The following LARGE1 variants were observed in gnomAD, a reference collection of about 807,000 sequenced individuals.
LARGE1 encodes the protein xylosyl- and glucuronyltransferase LARGE1.
Under a neutral mutation model 87.6 loss-of-function variants are expected in LARGE1, and 43 were observed. The observed-to-expected ratio is 0.49, with a 90% CI of 0.38 to 0.63. The LOEUF is 0.63. LARGE1 is among the 30% of genes least tolerant of loss of function. The pLI is 0.00. For missense variants in LARGE1, 802 were observed against 1,000.2 expected, an observed-to-expected ratio of 0.80 and a Z score of 2.67; for synonymous variants, 434 against 394.6, an observed-to-expected ratio of 1.10 and a Z score of -1.18.
intron 2 of LARGE1, among the ~76,000 whole-genome samples, chr22:33,687,918 T>A (rs2081990902): frequency 6.6e-6 from 1 of 152,156 alleles, no homozygotes; most frequent in African/African-American, 2.4e-5. Flanking sequence ...TACAATGTCA[T>A]ACCTACAGAG....
intron 6 of LARGE1, among the ~76,000 whole-genome samples, chr22:33,541,683 C>G (rs571446369): frequency 9.2e-5 from 14 of 151,568 alleles, no homozygotes; most frequent in South Asian, 4.2e-4. Flanking sequence ...GCTGACTGCC[C>G]TCATCCTGTC....
At chr22:33,464,631 G>GA (rs1569186836) in intron 6 of LARGE1, among the ~76,000 whole-genome samples, 1 of 152,144 alleles carries the variant, frequency 6.6e-6, no homozygotes, top group Non-Finnish European at 1.5e-5. Context: ...CATTAATGAT[G>GA]AAAAAATGCA....
At chr22:33,718,994 G>A (rs929857800) in intron 2 of LARGE1, among the ~76,000 whole-genome samples, 3 of 152,192 alleles carry the variant, frequency 2.0e-5, no homozygotes, top group Admixed American at 1.3e-4. Context: ...TCACCATGTT[G>A]GCCAGGCTCA....
chr22:33,262,827 C>A (rs1341915821), intron 11 of LARGE1, among the ~76,000 whole-genome samples: 2 of 150,206 alleles, frequency 1.3e-5, no homozygotes, highest in Non-Finnish European at 3.0e-5. Flanking sequence ...TTCCTGACTT[C>A]CTTCCTTCAC....
intron 1 of LARGE1, among the ~76,000 whole-genome samples, chr22:33,837,277 C>T (rs1026360967): frequency 6.6e-6 from 1 of 151,816 alleles, no homozygotes; most frequent in African/African-American, 2.4e-5. Flanking sequence ...CACACACACA[C>T]ACACCTATAC....
chr22:33,360,954 C>T lies in LARGE1; in HGVS notation c.1131+20965G>A, dbSNP rs549345325. On this transcript the variant is annotated intron_variant, in intron 9 of 14. Transcript: ENST00000397394. The stretch of plus-strand genomic sequence containing the variant: ...CATGTCGGCCGGGCACAGTGGCTCA[C>T]GCCTATAATCTCAGCACTTTGGGAG... 3.2e-4 allele frequency among the ~76,000 whole-genome samples: 48 copies of T among 149,714 alleles called. 4 individuals carry two copies. Among genetic ancestry groups the T allele is most frequent in the East Asian group, 9.7e-4 (5 of 5,146 alleles).
At chr22:33,872,771 G>T (rs947735919) in intron 1 of LARGE1, among the ~76,000 whole-genome samples, 1 of 152,290 alleles carries the variant, frequency 6.6e-6, no homozygotes, top group South Asian at 2.1e-4. Flanking sequence ...GCTGAGGCGG[G>T]TGGATGACCT....
chr22:33,503,642 T>C (rs1311739199), intron 6 of LARGE1, among the ~76,000 whole-genome samples: 1 of 151,384 alleles, frequency 6.6e-6, no homozygotes, highest in Non-Finnish European at 1.5e-5. Flanking sequence ...CTACTAAAAA[T>C]ACAAAAATTA....
chr22:33,329,191 G>A (rs1601467419), intron 10 of LARGE1, among the ~76,000 whole-genome samples: 1 of 152,322 alleles, frequency 6.6e-6, no homozygotes, highest in South Asian at 2.1e-4. Flanking sequence ...GGAGGATAAA[G>A]AAGCTGGGCA....
chr22:33,439,383 T>A (rs1178463749), intron 6 of LARGE1, among the ~76,000 whole-genome samples: 1 of 152,118 alleles, frequency 6.6e-6, no homozygotes, highest in East Asian at 1.9e-4. Flanking sequence ...AAAATTTGGC[T>A]ACATTACCCC....
In LARGE1 at chr22:33,479,652, C is replaced by T. The variant is rs184372331; in HGVS notation, c.788-47387G>A. On this transcript the variant is annotated intron_variant, in intron 6 of 14. Coordinates refer to ENST00000397394, the MANE Select transcript of LARGE1 (RefSeq NM_133642.5). The stretch of plus-strand genomic sequence containing the variant: ...AACAAATCAAATTGCTCTGAGATTA[C>T]TTCCTGATCTGTTTGTTCCCCACAA... Among the ~76,000 whole-genome samples the T allele has an allele frequency of 1.3e-3, 202 of 152,222 alleles. 1 individual carries two copies. Among genetic ancestry groups the T allele is most frequent in the African/African-American group, 4.6e-3 (191 of 41,516 alleles).
intron 2 of LARGE1, among the ~76,000 whole-genome samples, chr22:33,697,283 A>G (rs528180027): frequency 6.6e-6 from 1 of 152,300 alleles, no homozygotes; most frequent in East Asian, 1.9e-4. Flanking sequence ...CAGATACAGC[A>G]GGGTCCGTAA....
chr22:33,832,173 C>T (rs2062991222), intron 1 of LARGE1, among the ~76,000 whole-genome samples: 1 of 152,178 alleles, frequency 6.6e-6, no homozygotes, highest in Non-Finnish European at 1.5e-5. Flanking sequence ...TGGCACCTAT[C>T]AGTCATAATG....
At chr22:33,171,501 G>T (rs531368368) in intron 11 of LARGE1, among the ~76,000 whole-genome samples, 2 of 152,334 alleles carry the variant, frequency 1.3e-5, no homozygotes, top group Non-Finnish European at 2.9e-5. Flanking sequence ...AAGTGGTTTT[G>T]TGGGCTGCAC....
chr22:33,300,353 A>G (rs1057017783), intron 12 of LARGE1, among the ~76,000 whole-genome samples: 21 of 152,314 alleles, frequency 1.4e-4, no homozygotes, highest in African/African-American at 5.1e-4. Flanking sequence ...AGTAACTTGT[A>G]ACTGTCATCA....
At chr22:33,537,282 C>A (rs954538205) in intron 6 of LARGE1, among the ~76,000 whole-genome samples, 1 of 152,218 alleles carries the variant, frequency 6.6e-6, no homozygotes, top group Non-Finnish European at 1.5e-5. Context: ...TGGTTCCCTG[C>A]GGAGGCTCTG....
At chr22:33,108,413 G>A in the LARGE1 span, 6 of 152,192 alleles carry the variant, frequency 3.9e-5, no homozygotes, top group Non-Finnish European at 8.8e-5. Flanking sequence ...AGAAGAAGGA[G>A]TGGTTTTTCT....
the LARGE1 span, among the ~76,000 whole-genome samples, chr22:33,154,542 G>T: frequency 2.9e-3 from 439 of 152,204 alleles, 2 homozygotes; most frequent in South Asian, 0.025. Flanking sequence ...GCCCAGCCAG[G>T]TTTATGTTTA....
chr22:33,291,895 C>A (rs1341233636), intron 12 of LARGE1, among the ~76,000 whole-genome samples: 8 of 151,998 alleles, frequency 5.3e-5, no homozygotes, highest in Non-Finnish European at 1.2e-4. Context: ...GGGTTAGACA[C>A]CAGCTTGGCC....
Sources: gnomAD v4.1 joint callset for allele counts (sites outside exome capture counted in the v4.1 genomes callset) on GRCh38, gnomAD v4.1.1 for gene constraint, MANE v1.5 for transcripts, NCBI Gene and HGNC (gene_info 2026-07-23, HGNC 2026-07-21) for gene names.